The following DMD variants were observed in gnomAD, a reference collection of about 807,000 sequenced individuals.
DMD encodes mutant dystrophin.
In DMD, 63 loss-of-function variants were observed where a neutral mutation model predicts 330.1. The ratio of observed to expected loss-of-function variants is 0.19; its 90% confidence interval spans 0.16 to 0.24. DMD has a LOEUF of 0.24. Ranked by LOEUF, DMD falls within the 10% of genes least tolerant of loss-of-function variation. The pLI, the probability that DMD is intolerant of heterozygous loss-of-function variation, is 1.00. For synonymous variants in DMD, 1,223 were observed against 959.8 expected, an observed-to-expected ratio of 1.27 and a Z score of -5.07; for missense variants, 3,344 against 2,684.1, an observed-to-expected ratio of 1.25 and a Z score of -5.43.
chrX:32,039,156 C>G (rs73454039), intron 44 of DMD, among the ~76,000 whole-genome samples: 1,207 of 110,486 alleles, frequency 0.011, 20 homozygotes, highest in African/African-American at 0.037. Flanking sequence ...GAAAAACGAA[C>G]AAGAGAAGTA....
At chrX:32,137,118 A>C (rs2078642801) in intron 44 of DMD, among the ~76,000 whole-genome samples, 1 of 112,392 alleles carries the variant, frequency 8.9e-6, no homozygotes, top group South Asian at 3.7e-4. Flanking sequence ...AGATTTTTAA[A>C]TCTATGAGGC....
At chrX:31,970,056 C>T (rs748374049) in intron 44 of DMD, among the ~76,000 whole-genome samples, 5 of 111,808 alleles carry the variant, frequency 4.5e-5, no homozygotes, top group Non-Finnish European at 7.5e-5. Flanking sequence ...AAAGTAATCA[C>T]GGTTTATGCC....
intron 7 of DMD, among the ~76,000 whole-genome samples, chrX:32,752,669 G>A (rs775891699): frequency 1.9e-5 from 2 of 108,028 alleles, no homozygotes; most frequent in East Asian, 2.9e-4. Flanking sequence ...GGGAGGGGCC[G>A]GGGGTGGAAT....
rs369794155 is a variant in DMD, at chrX:32,576,876, T to A, written c.1603-3030A>T. 1.6e-4 allele frequency among the ~76,000 whole-genome samples: 18 copies of A among 111,498 alleles called. No individual in the cohort carries two copies. In the East Asian group the frequency reaches 4.8e-3, roughly 30 times the overall value. On this transcript the variant is annotated intron_variant, in intron 13 of 78. Coordinates refer to ENST00000357033, the MANE Select transcript of DMD (RefSeq NM_004006.3). ...GAGCAAGTTTATGATTCAGCTAATA[T>A]CTAGGTTACAGTTAATGACAGCCAT...
At chrX:31,851,700 C>T (rs1407680124) in intron 48 of DMD, among the ~76,000 whole-genome samples, 3 of 111,927 alleles carry the variant, frequency 2.7e-5, no homozygotes, top group African/African-American at 9.8e-5. Context: ...ATAAAACTTA[C>T]ATTCTAATGG....
intron 55 of DMD, among the ~76,000 whole-genome samples, chrX:31,623,406 G>A (rs1260932209): frequency 9.0e-6 from 1 of 110,970 alleles, no homozygotes; most frequent in Non-Finnish European, 1.9e-5. Flanking sequence ...TGGGACTACA[G>A]GCGTACTCCA....
At chrX:32,616,906 C>T (rs913266813) in intron 11 of DMD, among the ~76,000 whole-genome samples, 5 of 108,897 alleles carry the variant, frequency 4.6e-5, no homozygotes, top group Non-Finnish European at 7.6e-5. Flanking sequence ...CATCTCTCTC[C>T]ACCTTGTGAC....
In DMD at chrX:31,807,099, T is replaced by C. The variant is rs149365551; in HGVS notation, c.7309+12876A>G. Among the ~76,000 whole-genome samples the C allele has an allele frequency of 9.7e-3, 1,085 of 111,452 alleles. 46 individuals carry two copies. The highest frequency in any genetic ancestry group is 0.09 in the Admixed American group (938 of 10,410). ...AGGGGACGCTTTCCAGAAGAGGTGA[T>C]GAACTCTATGTTTCTGGTTTGTGTG... On this transcript the variant is annotated intron_variant, in intron 50 of 78. Coordinates refer to ENST00000357033, the MANE Select transcript of DMD (RefSeq NM_004006.3).
intron 6 of DMD, among the ~76,000 whole-genome samples, chrX:32,809,943 A>AAAAGAAAG (rs553322206): frequency 1.2e-3 from 98 of 83,959 alleles, no homozygotes; most frequent in East Asian, 7.4e-3. Flanking sequence ...AAAAAAAAAA[A>AAAAGAAAG]AAAGAAAGAA....
At chrX:33,166,739 C>T in intron 1 of DMD, among the ~76,000 whole-genome samples, 1 of 109,203 alleles carries the variant, frequency 9.2e-6, no homozygotes, top group Non-Finnish European at 1.9e-5. Flanking sequence ...CATGGCTGGG[C>T]TTTATTTCTG....
At chrX:33,105,939 TAA>T (rs2095283170) in intron 1 of DMD, among the ~76,000 whole-genome samples, 2 of 110,305 alleles carry the variant, frequency 1.8e-5, no homozygotes, top group Non-Finnish European at 1.9e-5. Flanking sequence ...AAAATAAAAA[TAA>T]GTCACTATAT....
chrX:32,860,637 TTC>T (rs949286041), intron 2 of DMD, among the ~76,000 whole-genome samples: 1 of 111,305 alleles, frequency 9.0e-6, no homozygotes, highest in African/African-American at 3.3e-5. Context: ...TAAAGCAGTA[TTC>T]TGTTGCGGAA....
At chrX:31,401,728 A>G (rs985640676) in intron 60 of DMD, among the ~76,000 whole-genome samples, 2 of 111,483 alleles carry the variant, frequency 1.8e-5, no homozygotes, top group African/African-American at 6.5e-5. Flanking sequence ...TCTGGCTTTG[A>G]GGAACACATA....
intron 37 of DMD, among the ~76,000 whole-genome samples, chrX:32,361,250 A>C (rs2097832904): frequency 8.9e-6 from 1 of 111,833 alleles, no homozygotes; most frequent in Admixed American, 9.7e-5. Flanking sequence ...CTTTAGAAGT[A>C]AAAACAATTG....
chrX:32,976,152 C>G (rs998436000), intron 2 of DMD, among the ~76,000 whole-genome samples: 11 of 108,543 alleles, frequency 1.0e-4, no homozygotes, highest in Non-Finnish European at 1.7e-4. Flanking sequence ...AGCTGGGAGG[C>G]GGAGGTTGCA....
intron 67 of DMD, among the ~76,000 whole-genome samples, chrX:31,187,577 C>T (rs749257178): frequency 6.3e-5 from 7 of 111,121 alleles, no homozygotes; most frequent in African/African-American, 9.8e-5. Context: ...AAATGCTTCA[C>T]GAGAAGGTCA....
intron 1 of DMD, among the ~76,000 whole-genome samples, chrX:33,127,123 C>A (rs1838527980): frequency 1.8e-5 from 2 of 110,109 alleles, no homozygotes; most frequent in South Asian, 3.8e-4. Context: ...TCCCAACACA[C>A]GTTTTTAATT....
At position 32,104,826 on chromosome X, in the gene DMD, G is replaced by A. The variant is rs139268920; in HGVS notation, c.6438+112090C>T. 6.5e-4 allele frequency among the ~76,000 whole-genome samples: 72 copies of A among 110,717 alleles called. 1 individual carries two copies. Among genetic ancestry groups the A allele is most frequent in the Non-Finnish European group, 1.0e-3 (55 of 52,887 alleles). The stretch of plus-strand genomic sequence containing the variant: ...ATGGAACACTCAAGTACCATGAGTC[G>A]CAAGGCTATTAAGTCCTAGTTTTCT... On this transcript the variant is annotated intron_variant, in intron 44 of 78. Coordinates refer to ENST00000357033, the MANE Select transcript of DMD (RefSeq NM_004006.3).
At chrX:33,261,905 A>G (rs2052962722) in intron 1 of DMD, among the ~76,000 whole-genome samples, 1 of 106,835 alleles carries the variant, frequency 9.4e-6, no homozygotes, top group South Asian at 4.1e-4. Flanking sequence ...GAATAAATAA[A>G]GGCCTAAAAA....
Sources: gnomAD v4.1 joint callset for allele counts (sites outside exome capture counted in the v4.1 genomes callset) on GRCh38, gnomAD v4.1.1 for gene constraint, MANE v1.5 for transcripts, NCBI Gene and HGNC (gene_info 2026-07-23, HGNC 2026-07-21) for gene names.